Variants in SLC25A24 observed in about 807,000 individuals in gnomAD.
The protein encoded by SLC25A24 is mitochondrial adenyl nucleotide antiporter SLC25A24.
In SLC25A24, 49 loss-of-function variants were observed where a neutral mutation model predicts 60.7. The observed-to-expected ratio is 0.81, with a 90% CI of 0.64 to 1.02. The LOEUF is 1.02. Ranked by LOEUF, SLC25A24 falls within the 50% of genes least tolerant of loss-of-function variation. The pLI is 0.00. For missense variants in SLC25A24, 564 were observed against 586.3 expected (o/e 0.96, Z 0.39); for synonymous variants, 202 against 200.6 (o/e 1.01, Z -0.06).
intron 3 of SLC25A24, among the ~76,000 whole-genome samples, chr1:108,162,667 T>G (rs1309046548): frequency 2.0e-5 from 3 of 152,156 alleles, no homozygotes; most frequent in African/African-American, 7.2e-5. Flanking sequence ...TAAATTTGTT[T>G]GAGTTCATTG....
At position 108,136,621 on chromosome 1, in the gene SLC25A24, T is replaced by C. The variant is rs41278470; in HGVS notation, c.*32A>G. On this transcript the variant is annotated 3_prime_UTR_variant, in exon 10 of 10. Transcript: ENST00000565488. ...GTCACTCCAGAGATTGTTGAAAGTT[T>C]CAATTATCAGGCTAAAGCAAAAAAT... The C allele has an allele frequency of 6.0e-3, 9,515 of 1,578,822 alleles. 36 individuals carry two copies. The highest frequency in any genetic ancestry group is 7.0e-3 in the Non-Finnish European group (8,024 of 1,152,338).
Position 108,136,598 on chromosome 1 carries a change from CACTCCAGAGATTGTTGAAAGTTTCAAT to C in SLC25A24, c.*28_*54del. The C allele has an allele frequency of 6.9e-7, 1 of 1,450,220 alleles. No homozygotes were observed. Among genetic ancestry groups the C allele is most frequent in the Non-Finnish European group, 9.5e-7 (1 of 1,052,582 alleles). 89.8% of individuals were successfully genotyped at this position (1,450,220 alleles called of 1,614,324 possible). ...TTGTTTCAATTCGAGGAGAAAAAGT[CACTCCAGAGATTGTTGAAAGTTTCAAT>C]TATCAGGCTAAAGCAAAAAATGCAA... On this transcript the variant is annotated 3_prime_UTR_variant, in exon 10 of 10. Coordinates refer to ENST00000565488, the MANE Select transcript of SLC25A24 (RefSeq NM_013386.5).
chr1:108,181,585 T>C (rs1647931951), intron 3 of SLC25A24, among the ~76,000 whole-genome samples: 1 of 152,236 alleles, frequency 6.6e-6, no homozygotes, highest in Non-Finnish European at 1.5e-5. Flanking sequence ...GTGATGAATC[T>C]GCTAGTCTTC....
At chr1:108,160,954 G>A (rs1308951948) in intron 4 of SLC25A24, among the ~76,000 whole-genome samples, 2 of 152,100 alleles carry the variant, frequency 1.3e-5, no homozygotes, top group African/African-American at 4.8e-5. Flanking sequence ...GAGAGGGAGA[G>A]GGAGACCGTG....
rs181736609 is a variant in SLC25A24, at chr1:108,137,770, G to A, written c.1250-933C>T. On this transcript the variant is annotated intron_variant, in intron 9 of 9. Transcript: ENST00000565488. Reference sequence around the variant, plus strand: ...TATTTACCACAGGTATAATCTTGTGGGAGTTACTTAAATTCTCTCTGCCCC... The same window carrying A: ...TATTTACCACAGGTATAATCTTGTGAGAGTTACTTAAATTCTCTCTGCCCC... Among the ~76,000 whole-genome samples, 150 of 152,256 alleles carry A rather than the reference G, an allele frequency of 9.9e-4. 1 individual carries two copies. The highest frequency in any genetic ancestry group is 3.5e-3 in the African/African-American group (146 of 41,536).
intron 4 of SLC25A24, among the ~76,000 whole-genome samples, 197 bp downstream of exon 4, chr1:108,160,985 G>A (rs1196855419): frequency 6.6e-6 from 1 of 152,058 alleles, no homozygotes; most frequent in Non-Finnish European, 1.5e-5. Context: ...GAGAGAGGGA[G>A]AGGGAGAGGG....
chr1:108,136,800 G>A lies in SLC25A24; in HGVS notation c.1287C>T (p.Gly429=). 1 of 1,614,014 alleles carries A rather than the reference G, an allele frequency of 6.2e-7. No individual in the cohort carries two copies. The highest frequency in any genetic ancestry group is 8.5e-7 in the Non-Finnish European group (1 of 1,179,968). ...CTTTGGAAATAATTCGTCGAAAGAGGCCAACCATATTCAGCTGTGGGGAAC... is the reference window on the plus strand; with the variant it reads ...CTTTGGAAATAATTCGTCGAAAGAGACCAACCATATTCAGCTGTGGGGAAC... ...LEGSPQLNMV[G]LFRRIISKEG... Residue 429 remains glycine (G), a synonymous_variant, in exon 10 of 10, where the codon GGC becomes GGT. Transcript: ENST00000565488.
chr1:108,167,935 T>C (rs1250303705), intron 3 of SLC25A24, among the ~76,000 whole-genome samples: 2 of 152,228 alleles, frequency 1.3e-5, no homozygotes, highest in Non-Finnish European at 2.9e-5. Flanking sequence ...CATTTGTATC[T>C]GTTTTCTCCT....
At chr1:108,142,423 A>AATATT (rs750682037) in intron 8 of SLC25A24, among the ~76,000 whole-genome samples, 1 of 152,270 alleles carries the variant, frequency 6.6e-6, no homozygotes, top group Non-Finnish European at 1.5e-5. Flanking sequence ...CACATAACGG[A>AATATT]ATATTACTCA....
chr1:108,180,845 A>G (rs1647900836), intron 3 of SLC25A24, among the ~76,000 whole-genome samples: 1 of 152,312 alleles, frequency 6.6e-6, no homozygotes, highest in South Asian at 2.1e-4. Context: ...AGCTAAGCTA[A>G]TACTTCTTAG....
intron 6 of SLC25A24, among the ~76,000 whole-genome samples, chr1:108,152,823 C>T (rs1189848596): frequency 1.3e-5 from 2 of 152,178 alleles, no homozygotes; most frequent in African/African-American, 2.4e-5. Context: ...GTACAGAGAA[C>T]GTCAGAATTC....
intron 1 of SLC25A24, among the ~76,000 whole-genome samples, chr1:108,189,833 T>C (rs1476882676): frequency 3.5e-5 from 5 of 141,398 alleles, no homozygotes; most frequent in African/African-American, 1.3e-4. Context: ...AAAAAAGAGC[T>C]AAAGCTAATT....
In SLC25A24 at chr1:108,159,120, C is replaced by T. The variant is rs1052576226; in HGVS notation, c.511-1500G>A. On this transcript the variant is annotated intron_variant, in intron 4 of 9. Coordinates refer to ENST00000565488, the MANE Select transcript of SLC25A24 (RefSeq NM_013386.5). ...ATAGAACTTGGTTTACATCAGTATG[C>T]AGAATATTAATGAAACAATCAAAAT... Among the ~76,000 whole-genome samples the T allele has an allele frequency of 2.0e-5, 3 of 152,268 alleles. No individual in the cohort carries two copies. In the South Asian group the frequency reaches 6.2e-4, roughly 32 times the overall value.
chr1:108,164,471 C>T (rs1680185475), intron 3 of SLC25A24, among the ~76,000 whole-genome samples: 1 of 152,102 alleles, frequency 6.6e-6, no homozygotes, highest in Non-Finnish European at 1.5e-5. Flanking sequence ...AATTTCAGAT[C>T]CTGTTATTGG....
chr1:108,142,992 C>G (rs1679483010), intron 8 of SLC25A24, among the ~76,000 whole-genome samples: 1 of 152,138 alleles, frequency 6.6e-6, no homozygotes, highest in South Asian at 2.1e-4. Flanking sequence ...GCACAGATAA[C>G]CACGCTGAGT....
chr1:108,187,927 G>GATATATATATATATATATATAGATATAT (rs57513025), intron 1 of SLC25A24, among the ~76,000 whole-genome samples: 1 of 95,748 alleles, frequency 1.0e-5, no homozygotes, highest in African/African-American at 4.2e-5. Flanking sequence ...AGACATTATA[G>GATATATATATATATATATATAGATATAT]ATATATATAT....
chr1:108,193,121 T>C (rs1648398496), intron 1 of SLC25A24, among the ~76,000 whole-genome samples: 1 of 139,966 alleles, frequency 7.1e-6, no homozygotes, highest in Non-Finnish European at 1.6e-5. Flanking sequence ...TTAAAAAAAA[T>C]TGTTTGGCTG....
intron 1 of SLC25A24, 57 bp from the exon 2 acceptor site, chr1:108,186,011 T>C (rs2101641359): frequency 2.3e-6 from 3 of 1,332,762 alleles, no homozygotes; most frequent in Non-Finnish European, 3.1e-6. Context: ...CACTAAATTA[T>C]TTCTACACAT....
rs950003770 is a variant in SLC25A24, at chr1:108,165,448, C to G, written c.399-4155G>C. ...AGTTTAAGTCTCTTTGTAGGTCACT[C>G]AGGACTTGCTTTATGAATCTGGGTG... On this transcript the variant is annotated intron_variant, in intron 3 of 9. Coordinates refer to ENST00000565488, the MANE Select transcript of SLC25A24 (RefSeq NM_013386.5). Among the ~76,000 whole-genome samples, 8 of 139,054 alleles carry G rather than the reference C, an allele frequency of 5.8e-5. No individual in the cohort carries two copies. The East Asian group carries it at 6.7e-4, about 12-fold the overall frequency. 91.2% of individuals were successfully genotyped at this position (139,054 alleles called of 152,430 possible). A position where few individuals can be genotyped will look rare whatever the true frequency, so the allele number is the denominator to read the frequency against.
Sources: allele counts gnomAD v4.1 joint callset (sites outside exome capture counted in the v4.1 genomes callset), GRCh38; gene constraint gnomAD v4.1.1; transcripts MANE v1.5; gene names NCBI Gene and HGNC (gene_info 2026-07-23, HGNC 2026-07-21).